Variants in ADAM17 observed in about 807,000 individuals in gnomAD.
ADAM17 encodes the protein ADAM metallopeptidase domain 17.
A neutral mutation model predicts 96.7 loss-of-function variants in ADAM17; 39 were observed. That is an observed-to-expected ratio of 0.40 (90% CI 0.31 to 0.53). The LOEUF (loss-of-function observed/expected upper bound fraction) is 0.53, where lower values mean the gene tolerates loss of function less well. ADAM17 is among the 20% of genes least tolerant of loss of function. The pLI is 0.44. For missense variants in ADAM17, 777 were observed against 1,013.2 expected, an observed-to-expected ratio of 0.77 and a Z score of 3.17; for synonymous variants, 344 against 359.2, an observed-to-expected ratio of 0.96 and a Z score of 0.48.
chr2:9,509,346 A>C (rs1020693739), intron 11 of ADAM17, among the ~76,000 whole-genome samples: 1 of 152,194 alleles, frequency 6.6e-6, no homozygotes, highest in Non-Finnish European at 1.5e-5. Context: ...TAGTCACGGC[A>C]CTCTTAAAGT....
chr2:9,504,926 C>A (rs1397104383), intron 12 of ADAM17, among the ~76,000 whole-genome samples: 2 of 151,950 alleles, frequency 1.3e-5, no homozygotes, highest in Non-Finnish European at 1.5e-5. Context: ...CTATGTTGCC[C>A]AGGCTGTTCT....
chr2:9,521,281 A>AGGT lies in ADAM17; in HGVS notation c.876_878dup (p.Pro293dup). On this transcript the variant is annotated inframe_insertion, in exon 8 of 19. Coordinates refer to ENST00000310823, the MANE Select transcript of ADAM17 (RefSeq NM_003183.6). ...TTGCCATGTTGTAGTGCTTTTCACC[A>AGGT]GGTTTTACCTCTTGTGGAGACTTGA... is the stretch of plus-strand genomic sequence containing the variant. 1 of 1,611,718 alleles carries AGGT rather than the reference A, an allele frequency of 6.2e-7. No homozygotes were observed. Among genetic ancestry groups the AGGT allele is most frequent in the Non-Finnish European group, 8.5e-7 (1 of 1,177,930 alleles).
chr2:9,533,918 C>G (rs35937092), intron 4 of ADAM17, among the ~76,000 whole-genome samples: 2,560 of 152,328 alleles, frequency 0.017, 26 homozygotes, highest in Non-Finnish European at 0.024. Flanking sequence ...GGGAGTTTAT[C>G]TGAAGCCCTC....
chr2:9,523,858 T>C (rs953232969), intron 6 of ADAM17, among the ~76,000 whole-genome samples: 1 of 151,984 alleles, frequency 6.6e-6, no homozygotes, highest in African/African-American at 2.4e-5. Context: ...TAAATGTATT[T>C]TTCTCTTCCT....
chr2:9,489,834 C>T lies in ADAM17; in HGVS notation c.*343G>A. 5.8e-6 allele frequency: 1 copy of T among 171,376 alleles called. No homozygotes were observed. Among genetic ancestry groups the T allele is most frequent in the Non-Finnish European group, 1.3e-5 (1 of 79,970 alleles). The allele number at this position is 171,376 out of a possible 1,614,324, so 10.6% of individuals were successfully genotyped here. Reference sequence around the variant, plus strand: ...GTGTATAAAAAAAAACTGATCATTTCCCTAGTCAGTGCTGTTATCAATATA... The same window carrying T: ...GTGTATAAAAAAAAACTGATCATTTTCCTAGTCAGTGCTGTTATCAATATA... On this transcript the variant is annotated 3_prime_UTR_variant, in exon 19 of 19. Transcript: ENST00000310823.
intron 6 of ADAM17, among the ~76,000 whole-genome samples, chr2:9,524,002 G>C (rs1276437240): frequency 6.8e-6 from 1 of 148,062 alleles, no homozygotes; most frequent in Non-Finnish European, 1.5e-5. Flanking sequence ...AGCCTCCTGA[G>C]TAACAGAAGA....
chr2:9,492,851 T>A, intron 17 of ADAM17, 47 bp downstream of exon 17: 1 of 1,515,372 alleles, frequency 6.6e-7, no homozygotes, highest in Non-Finnish European at 9.0e-7. Flanking sequence ...TTGGAGTTGA[T>A]CAAAATTTAA....
chr2:9,538,186 C>T (rs928965240), intron 2 of ADAM17, among the ~76,000 whole-genome samples: 2 of 152,138 alleles, frequency 1.3e-5, no homozygotes, highest in Non-Finnish European at 2.9e-5. Context: ...TATTTATAGT[C>T]TTTCAATGTG....
At chr2:9,553,557 C>T (rs542248589) in intron 1 of ADAM17, among the ~76,000 whole-genome samples, 146 of 151,772 alleles carry the variant, frequency 9.6e-4, no homozygotes, top group African/African-American at 3.4e-3. Flanking sequence ...TGCCTGTAAT[C>T]CCAGCTACTT....
intron 1 of ADAM17, among the ~76,000 whole-genome samples, chr2:9,548,496 A>G (rs1010399860): frequency 6.6e-6 from 1 of 151,892 alleles, no homozygotes; most frequent in Admixed American, 6.6e-5. Context: ...AAAAAAAAAA[A>G]GAAAACAAAA....
intron 6 of ADAM17, among the ~76,000 whole-genome samples, chr2:9,524,833 G>A (rs1228488025): frequency 6.6e-6 from 1 of 152,158 alleles, no homozygotes; most frequent in Non-Finnish European, 1.5e-5. Context: ...AAAATGACAT[G>A]AGAAAGAACA....
At chr2:9,512,886 C>T (rs1042459830) in intron 10 of ADAM17, among the ~76,000 whole-genome samples, 11 of 152,126 alleles carry the variant, frequency 7.2e-5, no homozygotes, top group South Asian at 2.1e-4. Flanking sequence ...AAAACTCATT[C>T]GTGTGCCAGG....
At chr2:9,548,502 C>G (rs891672243) in intron 1 of ADAM17, among the ~76,000 whole-genome samples, 1 of 147,264 alleles carries the variant, frequency 6.8e-6, no homozygotes, top group Non-Finnish European at 1.5e-5. Context: ...AAAAAGAAAA[C>G]AAAACAAGAG....
intron 4 of ADAM17, among the ~76,000 whole-genome samples, chr2:9,534,317 C>T (rs562662824): frequency 1.3e-5 from 2 of 152,132 alleles, no homozygotes; most frequent in South Asian, 2.1e-4. Context: ...TGCAGTGAGC[C>T]GAGACCACGC....
intron 13 of ADAM17, among the ~76,000 whole-genome samples, chr2:9,499,530 T>C (rs924526131): frequency 6.6e-6 from 1 of 152,092 alleles, no homozygotes; most frequent in Non-Finnish European, 1.5e-5. Context: ...GCCTCCCAAG[T>C]AGCTGGGACT....
Position 9,543,218 on chromosome 2 carries a change from T to C in ADAM17, c.165A>G (p.Val55=). The change falls in exon 2 of 19, where the codon GTA becomes GTG. Residue 55 remains valine, a synonymous_variant. Coordinates refer to ENST00000310823, the MANE Select transcript of ADAM17 (RefSeq NM_003183.6). ...LSLSNIQQHS[V]RKRDLQTSTH... ...TTGAAGTCTGTAGATCTCTTTTTCTTACCGAATGCTGCTGGATATTAGATA... is the reference window on the plus strand; with the variant it reads ...TTGAAGTCTGTAGATCTCTTTTTCTCACCGAATGCTGCTGGATATTAGATA... 6.2e-7 allele frequency: 1 copy of C among 1,610,450 alleles called. No individual in the cohort carries two copies. Among genetic ancestry groups the C allele is most frequent in the Non-Finnish European group, 8.5e-7 (1 of 1,178,206 alleles).
intron 17 of ADAM17, among the ~76,000 whole-genome samples, chr2:9,492,241 G>C (rs1477146976): frequency 6.6e-6 from 1 of 152,188 alleles, no homozygotes; most frequent in Admixed American, 6.5e-5. Flanking sequence ...CTCTACAGCA[G>C]ACAAATCCCC....
intron 2 of ADAM17, 36 bp from the exon 3 acceptor site, chr2:9,536,864 C>T (rs1311728131): frequency 1.2e-6 from 2 of 1,601,006 alleles, no homozygotes; most frequent in East Asian, 2.2e-5. Flanking sequence ...ACTCTAAGCA[C>T]ACAAATTTTA....
At chr2:9,505,607 G>A (rs1324570743) in intron 11 of ADAM17, 5 of 506,982 alleles carry the variant, frequency 9.9e-6, no homozygotes, top group Admixed American at 6.4e-5. Flanking sequence ...TTCTTCTTAC[G>A]AAGGTAAGCA....
Sources: allele counts gnomAD v4.1 joint callset (sites outside exome capture counted in the v4.1 genomes callset), GRCh38; gene constraint gnomAD v4.1.1; transcripts MANE v1.5; gene names NCBI Gene and HGNC (gene_info 2026-07-23, HGNC 2026-07-21).